PICALM: variants seen among roughly 807,000 people sequenced by gnomAD.
PICALM encodes the protein phosphatidylinositol binding clathrin assembly protein.
A neutral mutation model predicts 80.5 loss-of-function variants in PICALM; 40 were observed. The ratio of observed to expected loss-of-function variants is 0.50; its 90% confidence interval spans 0.39 to 0.65. PICALM has a LOEUF of 0.65. Ranked by LOEUF, PICALM falls within the 30% of genes least tolerant of loss-of-function variation. The pLI, the probability that PICALM is intolerant of heterozygous loss-of-function variation, is 0.00. For missense variants in PICALM, 676 were observed against 778.9 expected (o/e 0.87, Z 1.57); for synonymous variants, 288 against 260.3 (o/e 1.11, Z -1.02).
chr11:85,995,909 G>A (rs2094944594), intron 12 of PICALM, among the ~76,000 whole-genome samples: 1 of 152,126 alleles, frequency 6.6e-6, no homozygotes, highest in African/African-American at 2.4e-5. Flanking sequence ...TTAAAACTTA[G>A]CTAAATTAAA....
intron 1 of PICALM, among the ~76,000 whole-genome samples, chr11:86,038,918 T>C (rs946967844): frequency 6.6e-6 from 1 of 152,094 alleles, no homozygotes; most frequent in African/African-American, 2.4e-5. Context: ...GAGACCAGCC[T>C]GGCCAACATG....
At chr11:86,018,549 A>G (rs924070010) in intron 4 of PICALM, among the ~76,000 whole-genome samples, 1 of 152,172 alleles carries the variant, frequency 6.6e-6, no homozygotes, top group Non-Finnish European at 1.5e-5. Flanking sequence ...AAGGGAATAA[A>G]TCAGATGTAC....
intron 17 of PICALM, among the ~76,000 whole-genome samples, chr11:85,980,714 G>A (rs2094417148): frequency 2.0e-5 from 3 of 152,116 alleles, no homozygotes; most frequent in Non-Finnish European, 4.4e-5. Context: ...ATAGAGTAGT[G>A]ATTAAGGACA....
chr11:85,991,469 A>G (rs1207768001), intron 12 of PICALM, among the ~76,000 whole-genome samples: 3 of 152,142 alleles, frequency 2.0e-5, no homozygotes, highest in African/African-American at 7.2e-5. Flanking sequence ...TTACTATGAT[A>G]TAGGCACACT....
Position 86,003,298 on chromosome 11 carries a change from T to C in PICALM, c.893+68A>G. 3 of 807,372 alleles carry C rather than the reference T, an allele frequency of 3.7e-6. No individual in the cohort carries two copies. The East Asian group carries it at 7.6e-5, about 20-fold the overall frequency. The allele number at this position is 807,372 out of a possible 1,614,324, so 50.0% of individuals were successfully genotyped here. ...ATAGAGAAATTAAACAGCTTGGAAC[T>C]TGAGCTGGTTTCATCTACTGCCTCA... On this transcript the variant is annotated intron_variant, in intron 9 of 19. Coordinates refer to ENST00000393346, the MANE Select transcript of PICALM (RefSeq NM_007166.4).
chr11:86,008,922 G>A (rs1263149506), intron 7 of PICALM, among the ~76,000 whole-genome samples: 12 of 114,750 alleles, frequency 1.0e-4, no homozygotes, highest in African/African-American at 3.2e-4. Context: ...GTGAGACCCC[G>A]TTCTCCAGAA....
At chr11:86,038,573 G>A (rs928126173) in intron 1 of PICALM, among the ~76,000 whole-genome samples, 3 of 151,950 alleles carry the variant, frequency 2.0e-5, no homozygotes, top group East Asian at 3.9e-4. Context: ...ATGAGGTCAG[G>A]AGTTCAAGAC....
At chr11:85,974,350 G>C in intron 19 of PICALM, 1 of 406,914 alleles carries the variant, frequency 2.5e-6, no homozygotes, top group East Asian at 5.9e-5. Context: ...CATCATTCTA[G>C]CCATTAGCCA....
In PICALM at chr11:85,979,978, T is replaced by C. The variant is rs543901409; in HGVS notation, c.1779+1151A>G. Among the ~76,000 whole-genome samples, 6 of 152,298 alleles carry C rather than the reference T, an allele frequency of 3.9e-5. No individual in the cohort carries two copies. In the East Asian group the frequency reaches 1.2e-3, roughly 29 times the overall value. On this transcript the variant is annotated intron_variant, in intron 17 of 19. Coordinates refer to ENST00000393346, the MANE Select transcript of PICALM (RefSeq NM_007166.4). ...ACCATACCTTACAGTAATTAAAACA[T>C]ACTAAAACCTCTTCATTACTAGATG...
chr11:86,035,104 T>C (rs2095817515), intron 1 of PICALM, among the ~76,000 whole-genome samples: 1 of 147,042 alleles, frequency 6.8e-6, no homozygotes, highest in African/African-American at 2.6e-5. Flanking sequence ...CAAAACAGTA[T>C]TTTTGTATTC....
chr11:85,974,818 A>G lies in PICALM; in HGVS notation c.1840-6T>C. The G allele has an allele frequency of 6.3e-7, 1 of 1,581,006 alleles. No individual in the cohort carries two copies. The highest frequency in any genetic ancestry group is 1.1e-5 in the South Asian group (1 of 90,370). The stretch of plus-strand genomic sequence containing the variant: ...ACACTTCCCATTTGTGGAGGCTAAA[A>G]AAGAGAAAAATATCAAAAGATACTG... On this transcript the variant is annotated splice_polypyrimidine_tract_variant and splice_region_variant and intron_variant, in intron 18 of 19. Coordinates refer to ENST00000393346, the MANE Select transcript of PICALM (RefSeq NM_007166.4).
At chr11:86,062,883 G>A (rs1206383921) in intron 1 of PICALM, among the ~76,000 whole-genome samples, 4 of 152,170 alleles carry the variant, frequency 2.6e-5, no homozygotes, top group East Asian at 1.9e-4. Flanking sequence ...ACAAAGTAAC[G>A]GAAATGCCAC....
chr11:85,969,777 C>G (rs1313787203), intron 19 of PICALM: 1 of 234,098 alleles, frequency 4.3e-6, no homozygotes, highest in Non-Finnish European at 8.9e-6. Flanking sequence ...CCTCAGCCTC[C>G]CAAAGTGCTA....
chr11:86,055,461 T>A (rs75329509), intron 1 of PICALM, among the ~76,000 whole-genome samples: 7,093 of 151,596 alleles, frequency 0.047, 273 homozygotes, highest in African/African-American at 0.11. Context: ...ATGTAAAAAA[T>A]ATAAACTGGA....
chr11:85,999,786 C>G (rs1318091533), intron 11 of PICALM, among the ~76,000 whole-genome samples: 1 of 152,208 alleles, frequency 6.6e-6, no homozygotes, highest in Non-Finnish European at 1.5e-5. Context: ...TCACCACTCT[C>G]TATGGAACAT....
At chr11:86,010,528 T>C (rs547407460) in intron 7 of PICALM, among the ~76,000 whole-genome samples, 1 of 152,234 alleles carries the variant, frequency 6.6e-6, no homozygotes, top group Non-Finnish European at 1.5e-5. Flanking sequence ...GATTTTGCCA[T>C]GTTGGCCAGT....
chr11:86,013,886 A>G (rs1407027276), intron 5 of PICALM, among the ~76,000 whole-genome samples: 2 of 152,234 alleles, frequency 1.3e-5, no homozygotes, highest in Admixed American at 1.3e-4. Context: ...GCCATAGATA[A>G]TATGTATCAG....
At chr11:85,979,395 C>T (rs1366510252) in intron 17 of PICALM, among the ~76,000 whole-genome samples, 1 of 151,300 alleles carries the variant, frequency 6.6e-6, no homozygotes, top group East Asian at 1.9e-4. Context: ...GAGGCTAAGG[C>T]AGGAGAATCA....
chr11:86,027,229 T>C (rs996987031), intron 2 of PICALM, among the ~76,000 whole-genome samples: 1 of 152,172 alleles, frequency 6.6e-6, no homozygotes, highest in African/African-American at 2.4e-5. Context: ...AGTATATGAG[T>C]ATATGAGTTT....
Sources: allele counts gnomAD v4.1 joint callset (sites outside exome capture counted in the v4.1 genomes callset), GRCh38; gene constraint gnomAD v4.1.1; transcripts MANE v1.5; gene names NCBI Gene and HGNC (gene_info 2026-07-23, HGNC 2026-07-21).